OSBPL8: variants seen among roughly 807,000 people sequenced by gnomAD.
OSBPL8 encodes the protein oxysterol-binding protein-related protein 8.
A neutral mutation model predicts 125.5 loss-of-function variants in OSBPL8; 59 were observed. The observed-to-expected ratio is 0.47, with a 90% CI of 0.38 to 0.58. OSBPL8 has a LOEUF of 0.58. OSBPL8 is among the 20% of genes least tolerant of loss of function. The pLI is 0.00. For synonymous variants in OSBPL8, 330 were observed against 338.9 expected, an observed-to-expected ratio of 0.97 and a Z score of 0.29; for missense variants, 758 against 1,047.8, an observed-to-expected ratio of 0.72 and a Z score of 3.82.
intron 4 of OSBPL8, among the ~76,000 whole-genome samples, chr12:76,439,533 G>T (rs1216449595): frequency 6.6e-6 from 1 of 152,120 alleles, no homozygotes; most frequent in African/African-American, 2.4e-5. Flanking sequence ...TGCTTGGGGG[G>T]AGAGTGTTTT....
intron 4 of OSBPL8, among the ~76,000 whole-genome samples, chr12:76,431,469 G>C (rs1367069305): frequency 6.6e-6 from 1 of 152,094 alleles, no homozygotes; most frequent in Non-Finnish European, 1.5e-5. Context: ...AAAAGAAATA[G>C]AGTCACTGAA....
In OSBPL8 at chr12:76,402,562, T is replaced by C. The variant is rs534157356; in HGVS notation, c.366+127A>G. ...TTAACATTTTCTATGTGTGCCTGCC[T>C]GTCTGTACCACTGGATGTTTTTTCT... On this transcript the variant is annotated intron_variant, in intron 6 of 23. Transcript: ENST00000261183. 6.1e-5 allele frequency: 42 copies of C among 691,458 alleles called. No individual in the cohort carries two copies. The African/African-American group carries it at 6.4e-4, about 11-fold the overall frequency. 42.8% of individuals were successfully genotyped at this position (691,458 alleles called of 1,614,324 possible).
At chr12:76,511,831 C>A (rs1299804375) in intron 1 of OSBPL8, among the ~76,000 whole-genome samples, 1 of 152,082 alleles carries the variant, frequency 6.6e-6, no homozygotes, top group African/African-American at 2.4e-5. Flanking sequence ...TTACCTAGGT[C>A]GTCTGCCAGG....
At chr12:76,533,472 A>G (rs1023322500) in intron 1 of OSBPL8, among the ~76,000 whole-genome samples, 15 of 152,198 alleles carry the variant, frequency 9.9e-5, no homozygotes, top group Non-Finnish European at 1.8e-4. Context: ...ATTTCTAAAA[A>G]TATCTATTTG....
chr12:76,464,978 G>C (rs1402588986), intron 2 of OSBPL8, among the ~76,000 whole-genome samples: 2 of 152,158 alleles, frequency 1.3e-5, no homozygotes, highest in African/African-American at 4.8e-5. Flanking sequence ...GAGCTATATA[G>C]TGCAGCTGAG....
chr12:76,503,897 G>C (rs993315866), intron 1 of OSBPL8, among the ~76,000 whole-genome samples: 2 of 152,020 alleles, frequency 1.3e-5, no homozygotes, highest in Non-Finnish European at 2.9e-5. Flanking sequence ...ACAAGGCATA[G>C]ACTATAATGG....
At chr12:76,394,000 C>A (rs970019388) in intron 9 of OSBPL8, among the ~76,000 whole-genome samples, 1 of 152,062 alleles carries the variant, frequency 6.6e-6, no homozygotes, top group Non-Finnish European at 1.5e-5. Flanking sequence ...AGGCTGGCAA[C>A]AGAGCGAGAC....
intron 1 of OSBPL8, among the ~76,000 whole-genome samples, chr12:76,489,079 C>T (rs964508061): frequency 6.6e-6 from 1 of 152,154 alleles, no homozygotes; most frequent in Non-Finnish European, 1.5e-5. Flanking sequence ...AGGCAAGGCC[C>T]TAACTCTCTT....
intron 1 of OSBPL8, among the ~76,000 whole-genome samples, chr12:76,500,527 G>C (rs1879794056): frequency 6.6e-6 from 1 of 151,976 alleles, no homozygotes; most frequent in African/African-American, 2.4e-5. Context: ...ATATAAATTT[G>C]TTAAAATTGC....
intron 4 of OSBPL8, among the ~76,000 whole-genome samples, chr12:76,446,033 T>G (rs1872688936): frequency 6.6e-6 from 1 of 152,160 alleles, no homozygotes; most frequent in Non-Finnish European, 1.5e-5. Flanking sequence ...TTGTAAACCT[T>G]ACCAACTGCT....
At position 76,390,484 on chromosome 12, in the gene OSBPL8, G is replaced by A; in HGVS notation, c.1103C>T (p.Pro368Leu). 3 of 1,613,848 alleles carry A rather than the reference G, an allele frequency of 1.9e-6. No individual in the cohort carries two copies. Among genetic ancestry groups the A allele is most frequent in the Non-Finnish European group, 2.5e-6 (3 of 1,179,902 alleles). ...CTCCTTTAAAGGCTCAACAGGCTCA[G>A]GTTCGATATATGAGTCATCTTGTCT... ...SERQDDSYIE[P>L]EPVEPLKETT... The change falls in exon 11 of 24, where the codon CCT (proline) becomes CTT (leucine). Residue 368 changes from proline (P) to leucine (L), a missense_variant. Pro to Leu is a moderately conservative substitution (Grantham distance 98, BLOSUM62 -3). This residue lies in a region of OSBPL8 where 572 missense variants were observed against 762.0 expected (regional missense o/e 0.75). Coordinates refer to ENST00000261183, the MANE Select transcript of OSBPL8 (RefSeq NM_020841.5).
intron 1 of OSBPL8, among the ~76,000 whole-genome samples, chr12:76,502,199 T>C (rs559880985): frequency 3.4e-5 from 5 of 148,888 alleles, no homozygotes; most frequent in South Asian, 2.2e-4. Flanking sequence ...TTTTCTCCTA[T>C]AGCCAAGGTG....
chr12:76,384,066 A>C (rs1026907463), intron 15 of OSBPL8, among the ~76,000 whole-genome samples, 188 bp downstream of exon 15: 3 of 152,238 alleles, frequency 2.0e-5, no homozygotes, highest in Admixed American at 1.3e-4. Context: ...ATATTCACAT[A>C]TATGTGATGA....
intron 3 of OSBPL8, among the ~76,000 whole-genome samples, chr12:76,457,175 G>C (rs1184922058): frequency 6.6e-6 from 1 of 152,126 alleles, no homozygotes; most frequent in Non-Finnish European, 1.5e-5. Context: ...GCAGATATTC[G>C]CAACACCTGA....
At chr12:76,467,375 T>C (rs545392401) in intron 2 of OSBPL8, among the ~76,000 whole-genome samples, 4 of 152,318 alleles carry the variant, frequency 2.6e-5, no homozygotes, top group Admixed American at 2.0e-4. Flanking sequence ...TCTTCATACC[T>C]AGCATATCTC....
intron 3 of OSBPL8, among the ~76,000 whole-genome samples, chr12:76,457,870 T>A (rs1032199916): frequency 6.6e-6 from 1 of 152,146 alleles, no homozygotes. Flanking sequence ...GCCATTCAGT[T>A]CACCTGAGTC....
chr12:76,553,286 T>G (rs528879644), intron 1 of OSBPL8, among the ~76,000 whole-genome samples: 1 of 152,106 alleles, frequency 6.6e-6, no homozygotes, highest in African/African-American at 2.4e-5. Context: ...ATGTAGGCAT[T>G]TGGCAGCCAA....
At chr12:76,393,117 T>C (rs1049619367) in intron 9 of OSBPL8, among the ~76,000 whole-genome samples, 1 of 152,216 alleles carries the variant, frequency 6.6e-6, no homozygotes, top group African/African-American at 2.4e-5. Flanking sequence ...CTATCTGAAG[T>C]AACTGTTTTT....
intron 21 of OSBPL8, among the ~76,000 whole-genome samples, chr12:76,362,505 T>C (rs929438939): frequency 2.6e-5 from 4 of 152,154 alleles, no homozygotes; most frequent in African/African-American, 9.7e-5. Context: ...AAACTCTCAA[T>C]AAAGTAGTTA....
Sources: allele counts gnomAD v4.1 joint callset (sites outside exome capture counted in the v4.1 genomes callset), GRCh38; gene constraint gnomAD v4.1.1; regional missense constraint gnomAD v4.1.1; transcripts MANE v1.5; gene names NCBI Gene and HGNC (gene_info 2026-07-23, HGNC 2026-07-21).